SLC26A7: variants seen among roughly 807,000 people sequenced by gnomAD.
SLC26A7 encodes solute carrier family 26 member 7.
A neutral mutation model predicts 82.5 loss-of-function variants in SLC26A7; 59 were observed. The ratio of observed to expected loss-of-function variants is 0.72; its 90% CI spans 0.58 to 0.89. The LOEUF (loss-of-function observed/expected upper bound fraction) is 0.89. SLC26A7 is among the 40% of genes least tolerant of loss of function. The pLI, the probability that SLC26A7 is intolerant of heterozygous loss-of-function variation, is 0.00. For synonymous variants in SLC26A7, 271 were observed against 274.3 expected (o/e 0.99, Z 0.12); for missense variants, 820 against 793.0 (o/e 1.03, Z -0.41).
intron 15 of SLC26A7, among the ~76,000 whole-genome samples, chr8:91,377,161 A>C (rs1159360580): frequency 6.6e-6 from 1 of 152,178 alleles, no homozygotes; most frequent in Non-Finnish European, 1.5e-5. Context: ...TGGAGCTGCC[A>C]TGAAAAGCAC....
chr8:91,363,367 A>T, intron 12 of SLC26A7, 105 bp from the exon 13 acceptor site: 1 of 626,442 alleles, frequency 1.6e-6, no homozygotes, highest in Non-Finnish European at 2.8e-6. Flanking sequence ...GATATAAATC[A>T]TCTCAGACAC....
intron 4 of SLC26A7, among the ~76,000 whole-genome samples, chr8:91,311,041 T>C (rs1183267447): frequency 6.6e-6 from 1 of 152,144 alleles, no homozygotes; most frequent in South Asian, 2.1e-4. Context: ...GAGGCAAGAG[T>C]TGAGGTTGCT....
At chr8:91,338,433 T>A (rs1024681623) in intron 7 of SLC26A7, among the ~76,000 whole-genome samples, 2 of 152,142 alleles carry the variant, frequency 1.3e-5, no homozygotes, top group Admixed American at 1.3e-4. Flanking sequence ...TGTTGATAAT[T>A]GCTTTATGCA....
At chr8:91,391,873 T>A (rs759427675) in intron 16 of SLC26A7, among the ~76,000 whole-genome samples, 2 of 152,014 alleles carry the variant, frequency 1.3e-5, no homozygotes, top group Non-Finnish European at 2.9e-5. Flanking sequence ...CCATTTTAAA[T>A]TGGTTTCTGA....
upstream of SLC26A7, among the ~76,000 whole-genome samples, chr8:91,244,538 C>G (rs1190445421): frequency 6.7e-6 from 1 of 150,062 alleles, no homozygotes; most frequent in Non-Finnish European, 1.5e-5. Flanking sequence ...GGATCTTGCT[C>G]TGTTGCCCAG....
intron 5 of SLC26A7, among the ~76,000 whole-genome samples, chr8:91,318,714 T>C (rs1433385559): frequency 6.6e-6 from 1 of 152,138 alleles, no homozygotes; most frequent in Non-Finnish European, 1.5e-5. Flanking sequence ...AGTTTAACAA[T>C]AGTGCACTCC....
chr8:91,326,346 T>G (rs1812930841), intron 5 of SLC26A7, among the ~76,000 whole-genome samples: 1 of 152,080 alleles, frequency 6.6e-6, no homozygotes, highest in South Asian at 2.1e-4. Flanking sequence ...AGGCTGGAGA[T>G]TCACAATCCA....
intron 2 of SLC26A7, among the ~76,000 whole-genome samples, chr8:91,277,506 A>C (rs1362288263): frequency 6.6e-6 from 1 of 152,206 alleles, no homozygotes; most frequent in East Asian, 1.9e-4. Context: ...TGGGTCACAC[A>C]TCTTATGTCC....
intron 2 of SLC26A7, among the ~76,000 whole-genome samples, chr8:91,286,539 A>G (rs1219155593): frequency 6.6e-6 from 1 of 152,082 alleles, no homozygotes; most frequent in African/African-American, 2.4e-5. Context: ...CTATTCCTTG[A>G]TACTTTTGTT....
intron 4 of SLC26A7, among the ~76,000 whole-genome samples, chr8:91,297,561 T>A (rs1440748649): frequency 3.3e-5 from 5 of 152,172 alleles, no homozygotes. Context: ...TTTTCTCTTA[T>A]AACTTCATCA....
intron 4 of SLC26A7, among the ~76,000 whole-genome samples, chr8:91,317,741 A>G (rs544915959): frequency 1.3e-5 from 2 of 152,180 alleles, no homozygotes; most frequent in African/African-American, 4.8e-5. Flanking sequence ...ATTTTAAATT[A>G]CAGATATAGC....
At chr8:91,211,582 C>T (rs1378701082) in intron 1 of SLC26A7, among the ~76,000 whole-genome samples, 1 of 144,632 alleles carries the variant, frequency 6.9e-6, no homozygotes, top group Non-Finnish European at 1.5e-5. Context: ...GTTAAGTAGA[C>T]AGCAATTATA....
intron 2 of SLC26A7, among the ~76,000 whole-genome samples, chr8:91,264,671 G>T (rs1261184154): frequency 1.3e-5 from 2 of 151,888 alleles, no homozygotes; most frequent in Non-Finnish European, 2.9e-5. Flanking sequence ...CTTCCAAATT[G>T]CTTCTTTAAG....
chr8:91,395,076 C>G lies in SLC26A7; in HGVS notation c.1950C>G (p.Leu650=). 6.2e-7 allele frequency: 1 copy of G among 1,613,406 alleles called. No individual in the cohort carries two copies. The highest frequency in any genetic ancestry group is 1.1e-5 in the South Asian group (1 of 91,062). The change falls in exon 19 of 19, where the codon CTC becomes CTG. Residue 650 remains leucine, a synonymous_variant. Coordinates refer to ENST00000276609, the MANE Select transcript of SLC26A7 (RefSeq NM_052832.4). The stretch of plus-strand genomic sequence containing the variant: ...TGGTATTTCAGAATTTGAGCAAACT[C>G]AGTGACCACAGTGAAGTCTGAGACC... ...HIHSNKNLSK[L]SDHSEV
chr8:91,336,815 C>T (rs940591899), intron 6 of SLC26A7, among the ~76,000 whole-genome samples: 1 of 151,860 alleles, frequency 6.6e-6, no homozygotes, highest in Non-Finnish European at 1.5e-5. Flanking sequence ...AACTGTGTAT[C>T]AAATACCCTG....
intron 3 of SLC26A7, among the ~76,000 whole-genome samples, chr8:91,292,635 T>C (rs1811904239): frequency 6.6e-6 from 1 of 152,148 alleles, no homozygotes; most frequent in East Asian, 1.9e-4. Flanking sequence ...GTTAGAGGCA[T>C]CTTTAAAAGT....
chr8:91,215,449 A>G (rs2130653662), intron 1 of SLC26A7, among the ~76,000 whole-genome samples: 1 of 152,274 alleles, frequency 6.6e-6, no homozygotes, highest in South Asian at 2.1e-4. Flanking sequence ...TCTCAATTCT[A>G]CCATTCAACA....
intron 4 of SLC26A7, among the ~76,000 whole-genome samples, chr8:91,315,259 T>C (rs1463924070): frequency 6.6e-6 from 1 of 152,218 alleles, no homozygotes; most frequent in Non-Finnish European, 1.5e-5. Context: ...TACATTTAGC[T>C]GAAATGAAAA....
intron 4 of SLC26A7, among the ~76,000 whole-genome samples, chr8:91,305,955 A>G (rs1203372604): frequency 6.6e-6 from 1 of 152,170 alleles, no homozygotes; most frequent in Admixed American, 6.5e-5. Flanking sequence ...AGTGTGCACC[A>G]TAGTTCTTGG....
Sources: allele counts gnomAD v4.1 joint callset (sites outside exome capture counted in the v4.1 genomes callset), GRCh38; gene constraint gnomAD v4.1.1; transcripts MANE v1.5; gene names NCBI Gene and HGNC (gene_info 2026-07-23, HGNC 2026-07-21).